DNAH5: variants seen among roughly 807,000 people sequenced by gnomAD.
DNAH5 encodes the protein axonemal beta dynein heavy chain 5.
A neutral mutation model predicts 518.2 loss-of-function variants in DNAH5; 372 were observed. The observed-to-expected ratio is 0.72, with a 90% confidence interval of 0.66 to 0.78. The LOEUF is 0.78. Ranked by LOEUF, DNAH5 falls within the 30% of genes least tolerant of loss-of-function variation. DNAH5 has a pLI of 0.00. For missense variants in DNAH5, 5,523 were observed against 5,687.0 expected (o/e 0.97, Z 0.93); for synonymous variants, 2,039 against 2,025.9 (o/e 1.01, Z -0.17).
chr5:13,758,809 A>G (rs1477933386), intron 61 of DNAH5, 37 bp downstream of exon 61: 14 of 1,613,920 alleles, frequency 8.7e-6, no homozygotes, highest in Non-Finnish European at 1.2e-5. Context: ...AGCCGTGTAG[A>G]TATGTGACAG....
chr5:14,011,503 GA>G (rs1404711576), intron 1 of DNAH5, among the ~76,000 whole-genome samples: 3 of 152,160 alleles, frequency 2.0e-5, no homozygotes, highest in African/African-American at 7.2e-5. Context: ...CCCAAACTCT[GA>G]AAACCCCGGA....
chr5:13,865,800 T>G lies in DNAH5; in HGVS notation c.4223A>C (p.Gln1408Pro). Residue 1408 changes from glutamine to proline, a missense_variant, in exon 27 of 79, where the codon CAA becomes CCA. Coordinates refer to ENST00000265104, the MANE Select transcript of DNAH5 (RefSeq NM_001369.3). ...QYPQLLEIKK[Q>P]LNLLQKIYTL... ...ATATATTTTCTGTAGAAGATTTAGT[T>G]GCTTCTTTATTTCAAGAAGCTGAGG... The G allele has an allele frequency of 6.2e-7, 1 of 1,613,532 alleles. No homozygotes were observed. The highest frequency in any genetic ancestry group is 8.5e-7 in the Non-Finnish European group (1 of 1,179,478).
chr5:13,922,235 C>T lies in DNAH5; in HGVS notation c.532G>A (p.Ala178Thr), dbSNP rs781356156. 3.7e-6 allele frequency: 6 copies of T among 1,613,888 alleles called. No individual in the cohort carries two copies. In the African/African-American group the frequency reaches 6.7e-5, roughly 18 times the overall value. ...LSDIFIPALR[A>T]TSHGWGELEG... is the part of the protein sequence containing the mutation. ...AGCTCGCCCCAGCCATGGCTCGTGGCTCTGAGAGCAGGAATGAAGATGTCC... is the reference window on the plus strand; with the variant it reads ...AGCTCGCCCCAGCCATGGCTCGTGGTTCTGAGAGCAGGAATGAAGATGTCC... The change falls in exon 5 of 79, where the codon GCC becomes ACC. Residue 178 changes from alanine to threonine, a missense_variant. Ala to Thr is a moderately conservative substitution (Grantham distance 58). Around this residue, in one of 3 missense-constraint regions of DNAH5, gnomAD observed 5,121 missense variants for 5,223.3 expected, o/e 0.98. Coordinates refer to ENST00000265104, the MANE Select transcript of DNAH5 (RefSeq NM_001369.3).
intron 1 of DNAH5, among the ~76,000 whole-genome samples, chr5:13,992,938 T>C (rs986661522): frequency 2.6e-5 from 4 of 152,228 alleles, no homozygotes; most frequent in African/African-American, 9.6e-5. Flanking sequence ...AGTTACTTCT[T>C]CAGATGCCTT....
At chr5:13,908,772 G>A (rs1252381393) in intron 12 of DNAH5, among the ~76,000 whole-genome samples, 1 of 152,158 alleles carries the variant, frequency 6.6e-6, no homozygotes, top group Non-Finnish European at 1.5e-5. Context: ...AATCTGGAGA[G>A]GATTCCAGGC....
chr5:13,842,445 A>AGAGAGAGAGAGAGAGAGAG lies in DNAH5; in HGVS notation c.5272-542_5272-541insCTCTCTCTCTCTCTCTCTC, dbSNP rs1561407436. 1.2e-4 allele frequency among the ~76,000 whole-genome samples: 12 copies of AGAGAGAGAGAGAGAGAGAG among 97,866 alleles called. 1 individual carries two copies. Among genetic ancestry groups the AGAGAGAGAGAGAGAGAGAG allele is most frequent in the Middle Eastern group, 4.9e-3 (1 of 206 alleles). 64.2% of individuals were successfully genotyped at this position (97,866 alleles called of 152,430 possible). A position where few individuals can be genotyped will look rare whatever the true frequency, so the allele number is the denominator to read the frequency against. On this transcript the variant is annotated intron_variant, in intron 32 of 78. Coordinates refer to ENST00000265104, the MANE Select transcript of DNAH5 (RefSeq NM_001369.3). ...AAGAAAAGAAAGAAAGAAAGAAAGA[A>AGAGAGAGAGAGAGAGAGAG]AGAAAGAAAGAAAGAAAGAAAGAAA...
chr5:13,891,125 T>C lies in DNAH5; in HGVS notation c.2432-4A>G, dbSNP rs754431531. The C allele has an allele frequency of 2.5e-6, 4 of 1,613,928 alleles. No homozygotes were observed. Among genetic ancestry groups the C allele is most frequent in the Non-Finnish European group, 3.4e-6 (4 of 1,179,960 alleles). ...TCAAGCAGCAACTCCAGGTCCTCTT[T>C]GGGAAAAAATAAAAGTAAATAAAAG... On this transcript the variant is annotated splice_polypyrimidine_tract_variant and splice_region_variant and intron_variant, in intron 16 of 78. Coordinates refer to ENST00000265104, the MANE Select transcript of DNAH5 (RefSeq NM_001369.3).
chr5:13,845,116 C>A lies in DNAH5; in HGVS notation c.5115-123G>T, dbSNP rs954059534. The A allele has an allele frequency of 4.5e-6, 4 of 879,540 alleles. No individual in the cohort carries two copies. The African/African-American group carries it at 5.1e-5, about 11-fold the overall frequency. 54.5% of individuals were successfully genotyped at this position (879,540 alleles called of 1,614,324 possible). A position where few individuals can be genotyped will look rare whatever the true frequency, so the allele number is the denominator to read the frequency against. ...GACTTGTGACAATCTGATTTTCCTA[C>A]GTGACTTCTCACTGTTTTTAATTTT... On this transcript the variant is annotated intron_variant, in intron 31 of 78. Transcript: ENST00000265104.
chr5:13,871,823 T>C (rs1770150599), intron 22 of DNAH5, 58 bp from the exon 23 acceptor site: 15 of 1,424,952 alleles, frequency 1.1e-5, no homozygotes, highest in East Asian at 4.6e-5. Flanking sequence ...CACAATGATA[T>C]AAGTGAATAT....
chr5:13,918,471 G>A (rs13357556), intron 7 of DNAH5, among the ~76,000 whole-genome samples: 70 of 152,188 alleles, frequency 4.6e-4, no homozygotes, highest in African/African-American at 1.6e-3. Flanking sequence ...GGCTGTTTTT[G>A]TTTTTTGTTT....
At chr5:13,845,838 T>TTC (rs1315896803) in intron 31 of DNAH5, among the ~76,000 whole-genome samples, 2 of 148,874 alleles carry the variant, frequency 1.3e-5, no homozygotes, top group East Asian at 3.9e-4. Flanking sequence ...TGACCTTTTT[T>TTC]TTTTTTTTTT....
chr5:13,771,530 GT>G (rs1379511800), intron 55 of DNAH5, among the ~76,000 whole-genome samples: 1 of 152,182 alleles, frequency 6.6e-6, no homozygotes, highest in Non-Finnish European at 1.5e-5. Flanking sequence ...CTTTTAGAAT[GT>G]TTGGGTAAAA....
intron 30 of DNAH5, among the ~76,000 whole-genome samples, chr5:13,852,944 G>A (rs183227065): frequency 9.8e-5 from 15 of 152,342 alleles, no homozygotes; most frequent in African/African-American, 2.2e-4. Flanking sequence ...GGGGTACAGC[G>A]TCAGAAGACT....
chr5:13,715,446 G>A (rs987278090), intron 74 of DNAH5, among the ~76,000 whole-genome samples: 6 of 152,116 alleles, frequency 3.9e-5, no homozygotes, highest in African/African-American at 1.2e-4. Flanking sequence ...CTTATTCAGT[G>A]CTGATGATTT....
intron 61 of DNAH5, among the ~76,000 whole-genome samples, chr5:13,754,541 C>A (rs1332207368): frequency 6.6e-6 from 1 of 152,112 alleles, no homozygotes; most frequent in Non-Finnish European, 1.5e-5. Context: ...TTATCCCCTG[C>A]CCATGGAACT....
chr5:13,895,769 A>G (rs766300527), intron 15 of DNAH5, among the ~76,000 whole-genome samples: 6 of 152,190 alleles, frequency 3.9e-5, no homozygotes, highest in Non-Finnish European at 8.8e-5. Flanking sequence ...CAAAGTTTCC[A>G]CATCAATATA....
At chr5:13,806,242 C>T (rs369913691) in intron 47 of DNAH5, among the ~76,000 whole-genome samples, 26 of 152,100 alleles carry the variant, frequency 1.7e-4, no homozygotes, top group Admixed American at 1.6e-3. Flanking sequence ...TTCCCAAACA[C>T]GAAAATGCCA....
chr5:13,925,514 G>A (rs1777776102), intron 3 of DNAH5, among the ~76,000 whole-genome samples: 1 of 152,160 alleles, frequency 6.6e-6, no homozygotes, highest in African/African-American at 2.4e-5. Flanking sequence ...ACGTGGCTGG[G>A]GAAGCCTCAC....
At chr5:13,739,863 T>C (rs1579994799) in intron 65 of DNAH5, among the ~76,000 whole-genome samples, 1 of 152,272 alleles carries the variant, frequency 6.6e-6, no homozygotes, top group African/African-American at 2.4e-5. Flanking sequence ...ACTCCATGAA[T>C]TACATTTTGT....
Sources: allele counts gnomAD v4.1 joint callset (sites outside exome capture counted in the v4.1 genomes callset), GRCh38; gene constraint gnomAD v4.1.1; regional missense constraint gnomAD v4.1.1; transcripts MANE v1.5; gene names NCBI Gene and HGNC (gene_info 2026-07-23, HGNC 2026-07-21).